The following DOP1B variants were observed in gnomAD, a reference collection of about 807,000 sequenced individuals.
The protein encoded by DOP1B is protein DOP1B.
A neutral mutation model predicts 233.5 loss-of-function variants in DOP1B; 174 were observed. The observed-to-expected ratio is 0.75, with a 90% CI of 0.66 to 0.85. The LOEUF is 0.85. Ranked by LOEUF, DOP1B falls within the 40% of genes least tolerant of loss-of-function variation. The probability of loss-of-function intolerance (pLI) is 0.00; values close to 1 mark genes in which losing one functional copy is unlikely to be tolerated. For synonymous variants in DOP1B, 1,190 were observed against 1,185.6 expected (o/e 1.00, Z -0.08); for missense variants, 2,652 against 2,846.6 (o/e 0.93, Z 1.56).
chr21:36,253,726 A>G, intron 22 of DOP1B, 46 bp from the exon 23 acceptor site: 1 of 1,584,890 alleles, frequency 6.3e-7, no homozygotes, highest in Non-Finnish European at 8.6e-7. Context: ...CCTTATTTTT[A>G]CTTTCTCTCT....
chr21:36,180,594 A>AG (rs11390317), intron 2 of DOP1B, among the ~76,000 whole-genome samples: 86,692 of 150,730 alleles, frequency 0.58, 25,134 homozygotes, highest in African/African-American at 0.68. Context: ...AAGAAAAAAA[A>AG]TTGTGGCTGG....
At chr21:36,272,203 C>T (rs1303441386) in intron 27 of DOP1B, among the ~76,000 whole-genome samples, 1 of 150,678 alleles carries the variant, frequency 6.6e-6, no homozygotes, top group African/African-American at 2.4e-5. Flanking sequence ...AAATTGTTAG[C>T]AGGGCTGGGT....
chr21:36,176,097 C>CGTGTGCGTGTGTGTGTGTGTGT (rs375729449), intron 2 of DOP1B, among the ~76,000 whole-genome samples: 5 of 141,746 alleles, frequency 3.5e-5, no homozygotes, highest in Admixed American at 7.0e-5. Flanking sequence ...GGTGTGTGTG[C>CGTGTGCGTGTGTGTGTGTGTGT]GTGTGTGTGT....
chr21:36,260,969 A>T (rs2067162801), intron 24 of DOP1B: 6 of 1,258,362 alleles, frequency 4.8e-6, no homozygotes, highest in Non-Finnish European at 6.0e-6. Context: ...GCGAAGCTTT[A>T]TGTGAGGCCT....
chr21:36,202,941 GAC>G (rs2066386006), intron 4 of DOP1B, among the ~76,000 whole-genome samples: 1 of 152,176 alleles, frequency 6.6e-6, no homozygotes, highest in African/African-American at 2.4e-5. Flanking sequence ...GTGTTCTGAT[GAC>G]AGATATGTGA....
Position 36,219,448 on chromosome 21 carries a change from T to G in DOP1B, c.1206T>G (p.Ser402=), listed in dbSNP as rs779332238. ...FYSYCRDALG[S]DLKLSYTQSG... ...CTTACTGCAGAGATGCCCTTGGCTCTGATCTTAAACTTAGCTACACCCAGA... is the reference window on the plus strand; with the variant it reads ...CTTACTGCAGAGATGCCCTTGGCTCGGATCTTAAACTTAGCTACACCCAGA... The change falls in exon 10 of 37, where the codon TCT becomes TCG. Residue 402 remains serine, a synonymous_variant. Transcript: ENST00000691173. 4.3e-6 allele frequency: 7 copies of G among 1,614,224 alleles called. No individual in the cohort carries two copies. The South Asian group carries it at 7.7e-5, about 18-fold the overall frequency.
At chr21:36,239,134 C>A (rs988215515) in intron 17 of DOP1B, among the ~76,000 whole-genome samples, 6 of 152,124 alleles carry the variant, frequency 3.9e-5, no homozygotes, top group African/African-American at 1.4e-4. Flanking sequence ...CTGCACATGA[C>A]CCCTCCGAGC....
Position 36,201,345 on chromosome 21 carries a change from C to CTTTTTTTTTTTTTTTTTTTTTTTTTTT in DOP1B, c.491+864_491+865insTTTTTTTTTTTTTTTTTTTTTTTTTTT, listed in dbSNP as rs1172730528. Among the ~76,000 whole-genome samples, 31 of 83,262 alleles carry CTTTTTTTTTTTTTTTTTTTTTTTTTTT rather than the reference C, an allele frequency of 3.7e-4. 5 individuals carry two copies. Among genetic ancestry groups the CTTTTTTTTTTTTTTTTTTTTTTTTTTT allele is most frequent in the East Asian group, 1.0e-3 (3 of 2,938 alleles). 54.6% of individuals were successfully genotyped at this position (83,262 alleles called of 152,430 possible). A position where few individuals can be genotyped will look rare whatever the true frequency, so the allele number is the denominator to read the frequency against. ...TCTATTCCACTGTATCTATTGGATT[C>CTTTTTTTTTTTTTTTTTTTTTTTTTTT]TTTTTTTTTTTTTTTTTTTTGAGAC... On this transcript the variant is annotated intron_variant, in intron 4 of 36. Coordinates refer to ENST00000691173, the MANE Select transcript of DOP1B (RefSeq NM_001320714.2).
At chr21:36,158,134 AAGAG>A (rs1036067273) in intron 1 of DOP1B, among the ~76,000 whole-genome samples, 1 of 152,128 alleles carries the variant, frequency 6.6e-6, no homozygotes, top group Non-Finnish European at 1.5e-5. Flanking sequence ...AAAATGGGTA[AAGAG>A]AGAGATTTCT....
At chr21:36,264,508 C>T (rs1253763354) in intron 26 of DOP1B, among the ~76,000 whole-genome samples, 1 of 150,866 alleles carries the variant, frequency 6.6e-6, no homozygotes, top group African/African-American at 2.4e-5. Flanking sequence ...GAATCTCACT[C>T]CATCACCCAG....
intron 10 of DOP1B, among the ~76,000 whole-genome samples, chr21:36,220,994 A>G (rs116979142): frequency 1.6e-4 from 25 of 151,956 alleles, no homozygotes; most frequent in Non-Finnish European, 3.1e-4. Context: ...ATTTTTCTGT[A>G]GAGACAAGGT....
chr21:36,257,704 A>G (rs2067119512), intron 23 of DOP1B, among the ~76,000 whole-genome samples: 1 of 150,636 alleles, frequency 6.6e-6, no homozygotes, highest in South Asian at 2.2e-4. Context: ...AGGTAGAGAG[A>G]TGGATGTAGG....
At chr21:36,203,896 C>G (rs1303410295) in intron 4 of DOP1B, among the ~76,000 whole-genome samples, 1 of 150,732 alleles carries the variant, frequency 6.6e-6, no homozygotes, top group East Asian at 1.9e-4. Context: ...TTTTAAGTGC[C>G]CATGAAATAG....
chr21:36,259,111 G>A (rs1471558337), intron 23 of DOP1B, among the ~76,000 whole-genome samples: 2 of 150,756 alleles, frequency 1.3e-5, no homozygotes, highest in African/African-American at 4.9e-5. Context: ...GACTACAGTC[G>A]CCCGCCACCA....
At chr21:36,177,635 G>A (rs1362631063) in intron 2 of DOP1B, among the ~76,000 whole-genome samples, 1 of 152,154 alleles carries the variant, frequency 6.6e-6, no homozygotes, top group African/African-American at 2.4e-5. Flanking sequence ...TCGACGTATG[G>A]ATTAATGCAT....
chr21:36,256,961 CTCAGTCCCCAAGAGCACCCTT>C (rs1447121541), intron 23 of DOP1B, among the ~76,000 whole-genome samples: 2 of 152,128 alleles, frequency 1.3e-5, no homozygotes, highest in Non-Finnish European at 2.9e-5. Flanking sequence ...AGGGTGAGGG[CTCAGTCCCCAAGAGCACCCTT>C]CACTTCAGAC....
chr21:36,167,940 C>CTTTTTTTTTTT (rs869190433), intron 2 of DOP1B, among the ~76,000 whole-genome samples: 74 of 39,994 alleles, frequency 1.9e-3, no homozygotes, highest in Non-Finnish European at 2.3e-3. Context: ...TTTTCTTTTT[C>CTTTTTTTTTTT]TTTTTTTTTT....
At chr21:36,261,917 G>GA (rs375272266) in intron 24 of DOP1B, 27 of 969,048 alleles carry the variant, frequency 2.8e-5, no homozygotes, top group African/African-American at 5.3e-5. Flanking sequence ...TCTCAAAAAG[G>GA]AAAAAAAATG....
At chr21:36,215,665 A>T (rs1414486346) in intron 9 of DOP1B, among the ~76,000 whole-genome samples, 1 of 146,576 alleles carries the variant, frequency 6.8e-6, no homozygotes, top group South Asian at 2.4e-4. Context: ...TCGGCCTCCC[A>T]AAGTGCTGGG....
Sources: allele counts gnomAD v4.1 joint callset (sites outside exome capture counted in the v4.1 genomes callset), GRCh38; gene constraint gnomAD v4.1.1; transcripts MANE v1.5; gene names NCBI Gene and HGNC (gene_info 2026-07-23, HGNC 2026-07-21).